Variants in CMC2 observed in about 807,000 individuals in gnomAD.
CMC2 encodes C-X9-C motif containing 2.
In CMC2, 5 loss-of-function variants were observed where a neutral mutation model predicts 7.5. The observed-to-expected ratio is 0.66, with a 90% CI of 0.35 to 1.40. The LOEUF (loss-of-function observed/expected upper bound fraction) is 1.40. CMC2 is among the 40% of genes most tolerant of loss of function. CMC2 has a pLI of 0.04. For missense variants in CMC2, 115 were observed against 92.3 expected, an observed-to-expected ratio of 1.25 and a Z score of -1.01; for synonymous variants, 37 against 31.4, an observed-to-expected ratio of 1.18 and a Z score of -0.60.
rs371359932 is a variant in CMC2 at position 80,981,851 on chromosome 16, A to C, written c.108T>G (p.Tyr36Ter). 3.1e-6 allele frequency: 5 copies of C among 1,610,520 alleles called. No individual in the cohort carries two copies. Among genetic ancestry groups the C allele is most frequent in the Non-Finnish European group, 4.2e-6 (5 of 1,177,832 alleles). The stretch of plus-strand genomic sequence containing the variant: ...TCAACTCCCGATCAACATCATTACA[A>C]TAACCAAAAAATTTCAGAATGTTGT... ...KNHNILKFFGYCNDVDRELRK... is the reference protein window; with the variant it reads ...KNHNILKFFG The change falls in exon 3 of 4, where the codon TAT becomes TAG. Residue 36 changes from tyrosine (Y) to a stop codon, truncating the protein, a stop_gained. Transcript: ENST00000219400. LOFTEE classifies it high-confidence loss of function.
At chr16:80,983,066 A>G (rs1312337862) in intron 2 of CMC2, 1 of 159,796 alleles carries the variant, frequency 6.3e-6, no homozygotes, top group Non-Finnish European at 1.4e-5. Flanking sequence ...TACAATATCA[A>G]TAAATACAAT....
intron 2 of CMC2, among the ~76,000 whole-genome samples, chr16:80,993,322 C>T (rs2549856): frequency 0.65 from 99,154 of 152,040 alleles, 34,093 homozygotes; most frequent in Middle Eastern, 0.8. Flanking sequence ...AGACAATTTC[C>T]AAACCATGTA....
chr16:80,985,918 A>AAAAAG (rs71143664), intron 2 of CMC2, among the ~76,000 whole-genome samples: 1 of 148,906 alleles, frequency 6.7e-6, no homozygotes, highest in Non-Finnish European at 1.5e-5. Flanking sequence ...AAAAAAAAAA[A>AAAAAG]CCACAGGAAT....
At chr16:80,995,580 C>T (rs1446248267) in intron 2 of CMC2, among the ~76,000 whole-genome samples, 1 of 152,136 alleles carries the variant, frequency 6.6e-6, no homozygotes, top group Admixed American at 6.5e-5. Context: ...ACACTTGAAC[C>T]TGGGAGGCGG....
chr16:80,986,109 A>G (rs1967509878), intron 2 of CMC2, among the ~76,000 whole-genome samples: 1 of 152,170 alleles, frequency 6.6e-6, no homozygotes, highest in Non-Finnish European at 1.5e-5. Flanking sequence ...GCACTTTGGG[A>G]GGCCCAGGCG....
At chr16:80,986,852 G>A (rs191491370) in intron 2 of CMC2, among the ~76,000 whole-genome samples, 44 of 152,354 alleles carry the variant, frequency 2.9e-4, no homozygotes, top group Non-Finnish European at 5.6e-4. Flanking sequence ...GATAAACCTG[G>A]AACTCAGAGA....
intron 1 of CMC2, chr16:80,998,331 C>T (rs1567531213): frequency 6.7e-6 from 1 of 148,850 alleles, no homozygotes; most frequent in African/African-American, 2.5e-5. Context: ...AGGAACCAAC[C>T]CATATCCATT....
At chr16:80,990,355 A>C (rs1283170223) in intron 2 of CMC2, among the ~76,000 whole-genome samples, 2 of 152,004 alleles carry the variant, frequency 1.3e-5, no homozygotes. Flanking sequence ...TTTTTGGTAG[A>C]GATGAAGTTT....
chr16:80,989,781 A>T (rs545742821), intron 2 of CMC2, among the ~76,000 whole-genome samples: 1 of 152,346 alleles, frequency 6.6e-6, no homozygotes, highest in African/African-American at 2.4e-5. Flanking sequence ...CACAGGATAC[A>T]TCCTAGTCTT....
intron 2 of CMC2, among the ~76,000 whole-genome samples, chr16:80,994,873 C>T (rs1031083207): frequency 2.6e-5 from 4 of 152,142 alleles, no homozygotes; most frequent in Admixed American, 6.5e-5. Context: ...TGGCTGGGTG[C>T]GGTGGCTCAT....
intron 2 of CMC2, among the ~76,000 whole-genome samples, chr16:80,985,411 A>G (rs1417106609): frequency 6.6e-6 from 1 of 152,250 alleles, no homozygotes; most frequent in African/African-American, 2.4e-5. Flanking sequence ...AAAAATGAAA[A>G]GCAATGCAAT....
rs573380388 is a variant in CMC2 at position 80,968,030 on chromosome 16, G to A, written c.*8063C>T. ...GCTTAAAAATTAAATGCAGAAAAAAGAGTAAGCTAGAAGTGATGACAAGAG... is the reference window on the plus strand; with the variant it reads ...GCTTAAAAATTAAATGCAGAAAAAAAAGTAAGCTAGAAGTGATGACAAGAG... On this transcript the variant is annotated 3_prime_UTR_variant, in exon 4 of 4. Coordinates refer to ENST00000219400, the MANE Select transcript of CMC2 (RefSeq NM_020188.5). The A allele has an allele frequency of 6.6e-6, 1 of 152,144 alleles. No individual in the cohort carries two copies. The highest frequency in any genetic ancestry group is 1.5e-5 in the Non-Finnish European group (1 of 68,012). The allele number at this position is 152,144 out of a possible 1,614,324, so 9.4% of individuals were successfully genotyped here. A position where few individuals can be genotyped will look rare whatever the true frequency, so the allele number is the denominator to read the frequency against.
chr16:80,972,377 TG>T lies in CMC2; in HGVS notation c.*3715del, dbSNP rs1434351159. ...AGGATTTTTTGTTTTTCGTTTTTTT[TG>T]TTTTTTTCTAAGAACAGAATGATTT... is the stretch of plus-strand genomic sequence containing the variant. On this transcript the variant is annotated 3_prime_UTR_variant, in exon 4 of 4. Transcript: ENST00000219400. 2 of 152,240 alleles carry T rather than the reference TG, an allele frequency of 1.3e-5. No individual in the cohort carries two copies. Among genetic ancestry groups the T allele is most frequent in the African/African-American group, 2.4e-5 (1 of 41,456 alleles). 9.4% of individuals were successfully genotyped at this position (152,240 alleles called of 1,614,324 possible).
chr16:80,978,197 G>C, intron 3 of CMC2: 2 of 861,088 alleles, frequency 2.3e-6, no homozygotes, highest in Non-Finnish European at 2.8e-6. Context: ...ACGTATTCTA[G>C]AACAAGGAAG....
intron 2 of CMC2, among the ~76,000 whole-genome samples, chr16:80,985,335 T>C (rs1054158096): frequency 1.3e-5 from 2 of 152,154 alleles, no homozygotes; most frequent in Non-Finnish European, 2.9e-5. Flanking sequence ...AAGTCTAACA[T>C]CACAACAGAT....
chr16:80,987,387 AT>A (rs1179569500), intron 2 of CMC2, among the ~76,000 whole-genome samples: 4 of 152,194 alleles, frequency 2.6e-5, no homozygotes, highest in Admixed American at 6.5e-5. Flanking sequence ...ACAAAAGGTA[AT>A]TTTTGTTTGC....
chr16:81,005,375 G>A (rs111232830), intron 1 of CMC2, among the ~76,000 whole-genome samples: 1,574 of 152,090 alleles, frequency 0.01, 23 homozygotes, highest in African/African-American at 0.035. Flanking sequence ...TCGCGCCACT[G>A]CACTCCAGCC....
At chr16:81,002,119 C>T (rs1036764432) in intron 1 of CMC2, among the ~76,000 whole-genome samples, 30 of 152,154 alleles carry the variant, frequency 2.0e-4, no homozygotes, top group African/African-American at 7.0e-4. Flanking sequence ...TTATTTTTTC[C>T]TAAAGAAAAC....
At chr16:80,995,194 T>C (rs2911150) in intron 2 of CMC2, among the ~76,000 whole-genome samples, 99,142 of 151,986 alleles carry the variant, frequency 0.65, 34,095 homozygotes, top group Middle Eastern at 0.8. Flanking sequence ...TTATCCAAAA[T>C]AGCACAGCTG....
Sources: allele counts gnomAD v4.1 joint callset (sites outside exome capture counted in the v4.1 genomes callset), GRCh38; gene constraint gnomAD v4.1.1; transcripts MANE v1.5; gene names NCBI Gene and HGNC (gene_info 2026-07-23, HGNC 2026-07-21).